Variants in KCNQ1 observed in about 807,000 individuals in gnomAD.
The protein encoded by KCNQ1 is potassium voltage-gated channel subfamily KQT member 1.
Under a neutral mutation model 72.4 loss-of-function variants are expected in KCNQ1, and 49 were observed. That is an observed-to-expected ratio of 0.68 (90% CI 0.54 to 0.86). The LOEUF (loss-of-function observed/expected upper bound fraction) is 0.86. Ranked by LOEUF, KCNQ1 falls within the 40% of genes least tolerant of loss-of-function variation. The probability of loss-of-function intolerance (pLI) is 0.00; values close to 1 mark genes in which losing one functional copy is unlikely to be tolerated. For synonymous variants in KCNQ1, 450 were observed against 412.6 expected (o/e 1.09, Z -1.10); for missense variants, 790 against 945.1 (o/e 0.84, Z 2.15).
At chr11:2,841,902 G>A (rs763504662) in intron 15 of KCNQ1, among the ~76,000 whole-genome samples, 8 of 152,212 alleles carry the variant, frequency 5.3e-5, no homozygotes, top group African/African-American at 1.4e-4. Flanking sequence ...AGGCAACCCC[G>A]CTCCTGGGGG....
At chr11:2,490,267 C>T (rs1290943409) in intron 1 of KCNQ1, among the ~76,000 whole-genome samples, 1 of 152,212 alleles carries the variant, frequency 6.6e-6, no homozygotes, top group African/African-American at 2.4e-5. Context: ...TAGTATACCA[C>T]ACCAGGTAGG....
At chr11:2,756,968 A>AC (rs1564883121) in intron 11 of KCNQ1, among the ~76,000 whole-genome samples, 2 of 147,836 alleles carry the variant, frequency 1.4e-5, no homozygotes, top group African/African-American at 2.5e-5. Flanking sequence ...AAAAAAAAAA[A>AC]AAAAAAAAAA....
At position 2,617,476 on chromosome 11, in the gene KCNQ1, C is replaced by T. The variant is rs140562266; in HGVS notation, c.1393+28622C>T. On this transcript the variant is annotated intron_variant, in intron 10 of 15. Transcript: ENST00000155840. This position sits in a 1 kb window ranked among gnomAD's most constrained non-coding sequence, Gnocchi z 4.6. ...CAGTTTAGTCATCCATCAATGGACA[C>T]GTAAGTTTTCATATCGTGACTCATG... The T allele has an allele frequency of 9.8e-3, 3,909 of 398,330 alleles. 27 individuals are homozygous for T. Among genetic ancestry groups the T allele is most frequent in the Middle Eastern group, 0.029 (46 of 1,586 alleles). 24.7% of individuals were successfully genotyped at this position (398,330 alleles called of 1,614,324 possible).
In KCNQ1 at chr11:2,483,841, T is replaced by C. The variant is rs750904862; in HGVS notation, c.386+38357T>C. 3.5e-4 allele frequency among the ~76,000 whole-genome samples: 53 copies of C among 152,166 alleles called. 1 individual carries two copies. Among genetic ancestry groups the C allele is most frequent in the Non-Finnish European group, 5.9e-4 (40 of 68,040 alleles). On this transcript the variant is annotated intron_variant, in intron 1 of 15. Transcript: ENST00000155840. This position sits in a 1 kb window ranked among gnomAD's most constrained non-coding sequence, Gnocchi z 6.1. ...CTTCTCAGCTGTAAATTAACCATTT[T>C]CCGCTTCATAATTAGTAAACACCTT...
intron 2 of KCNQ1, among the ~76,000 whole-genome samples, chr11:2,558,570 CCT>C (rs1345450125): frequency 6.6e-6 from 1 of 152,226 alleles, no homozygotes; most frequent in East Asian, 1.9e-4. Flanking sequence ...GCTGCTGCGC[CCT>C]GTGTCCGCCT....
At position 2,458,332 on chromosome 11, in the gene KCNQ1, A is replaced by G. The variant is rs954268570; in HGVS notation, c.386+12848A>G. Among the ~76,000 whole-genome samples, 19 of 152,348 alleles carry G rather than the reference A, an allele frequency of 1.2e-4. 1 individual carries two copies. Among genetic ancestry groups the G allele is most frequent in the South Asian group, 1.0e-3 (5 of 4,828 alleles). The stretch of plus-strand genomic sequence containing the variant: ...TTTCTCTAAAGATCTGTGGAGGTCA[A>G]TAGGGAGACCGCTCATGATGTTGAA... On this transcript the variant is annotated intron_variant, in intron 1 of 15. Transcript: ENST00000155840. The surrounding 1 kb of genome is among the most constrained non-coding windows in gnomAD (Gnocchi z 4.6).
chr11:2,822,353 G>T (rs575850760), intron 15 of KCNQ1, among the ~76,000 whole-genome samples: 1 of 152,196 alleles, frequency 6.6e-6, no homozygotes, highest in Non-Finnish European at 1.5e-5. Context: ...AGGCCCTGGG[G>T]TATAGTGTGG....
chr11:2,656,483 C>A (rs748645771), intron 10 of KCNQ1: 13 of 398,576 alleles, frequency 3.3e-5, no homozygotes, highest in Non-Finnish European at 5.7e-5. Context: ...TGCCACTCGC[C>A]CCCACGGGCC....
At chr11:2,542,319 AG>A (rs745600223) in intron 2 of KCNQ1, among the ~76,000 whole-genome samples, 4 of 152,250 alleles carry the variant, frequency 2.6e-5, no homozygotes, top group East Asian at 1.9e-4. Flanking sequence ...GGGGCGGGGA[AG>A]GAAGTGCTAG....
chr11:2,685,082 G>T (rs1046333541), intron 11 of KCNQ1: 3 of 398,516 alleles, frequency 7.5e-6, no homozygotes, highest in Non-Finnish European at 1.3e-5. Context: ...GAGAATTACA[G>T]ATTCCAGGGA....
chr11:2,792,457 A>AGGGAC (rs1288059630), intron 15 of KCNQ1, among the ~76,000 whole-genome samples: 2 of 152,264 alleles, frequency 1.3e-5, no homozygotes, highest in South Asian at 4.1e-4. Context: ...GGTGGATAGG[A>AGGGAC]GGGACGGGGC....
intron 10 of KCNQ1, chr11:2,656,842 G>T: frequency 2.5e-6 from 1 of 398,570 alleles, no homozygotes. Flanking sequence ...TTATAGTTAT[G>T]CTTTTCATAG....
At chr11:2,778,957 C>G (rs1404873190) in intron 15 of KCNQ1, among the ~76,000 whole-genome samples, 6 of 152,204 alleles carry the variant, frequency 3.9e-5, no homozygotes, top group Non-Finnish European at 8.8e-5. Context: ...CACCCTCTCC[C>G]CACCTGGCAC....
intron 10 of KCNQ1, chr11:2,660,995 T>C (rs1397310989): frequency 1.8e-5 from 7 of 398,498 alleles, no homozygotes; most frequent in African/African-American, 1.2e-4. Flanking sequence ...ATGACTAAAA[T>C]AATTAAATCC....
At chr11:2,736,471 G>A (rs768733162) in intron 11 of KCNQ1, among the ~76,000 whole-genome samples, 17 of 152,166 alleles carry the variant, frequency 1.1e-4, no homozygotes, top group Admixed American at 3.3e-4. Context: ...GGGGTTAGAC[G>A]GTGGCCCCCG....
At chr11:2,646,450 C>G (rs1221791301) in intron 10 of KCNQ1, 1 of 398,346 alleles carries the variant, frequency 2.5e-6, no homozygotes, top group Non-Finnish European at 4.4e-6. Flanking sequence ...TTTTTTGTAG[C>G]TATTGCAAAT....
rs996884740 is a variant in KCNQ1 at position 2,447,908 on chromosome 11, C to T, written c.386+2424C>T. Among the ~76,000 whole-genome samples the T allele has an allele frequency of 7.2e-5, 11 of 152,190 alleles. No individual in the cohort carries two copies. Among genetic ancestry groups the T allele is most frequent in the South Asian group, 2.1e-4 (1 of 4,834 alleles). On this transcript the variant is annotated intron_variant, in intron 1 of 15. Coordinates refer to ENST00000155840, the MANE Select transcript of KCNQ1 (RefSeq NM_000218.3). This position sits in a 1 kb window ranked among gnomAD's most constrained non-coding sequence, Gnocchi z 7.6. ...CAGCCAGGATATCCTGTCCCCTCCT[C>T]GGGGAACCCCCCCTCCCCAGGAGAG...
chr11:2,524,008 T>C (rs906527872), intron 1 of KCNQ1, among the ~76,000 whole-genome samples: 64 of 152,134 alleles, frequency 4.2e-4, no homozygotes, highest in Non-Finnish European at 2.1e-4. Context: ...TGTGTCCTTG[T>C]CCTGTGAACA....
intron 15 of KCNQ1, among the ~76,000 whole-genome samples, chr11:2,843,550 C>T (rs931771634): frequency 2.6e-5 from 4 of 152,366 alleles, no homozygotes; most frequent in African/African-American, 7.2e-5. Context: ...GGACCCCCAC[C>T]CTGGGAGCAG....
Sources: allele counts gnomAD v4.1 joint callset (sites outside exome capture counted in the v4.1 genomes callset), GRCh38; gene constraint gnomAD v4.1.1; non-coding constraint Gnocchi (gnomAD v3.1); transcripts MANE v1.5; gene names NCBI Gene and HGNC (gene_info 2026-07-23, HGNC 2026-07-21).